LAMB4: variants seen among roughly 807,000 people sequenced by gnomAD.
LAMB4 encodes laminin subunit beta 4, also known as laminin subunit beta-4.
Under a neutral mutation model 199.2 loss-of-function variants are expected in LAMB4, and 196 were observed. The ratio of observed to expected loss-of-function variants is 0.98; its 90% CI spans 0.88 to 1.11. LAMB4 has a LOEUF of 1.11. LAMB4 is among the 50% of genes least tolerant of loss of function. The probability of loss-of-function intolerance (pLI) is 0.00; values close to 1 mark genes in which losing one functional copy is unlikely to be tolerated. For synonymous variants in LAMB4, 744 were observed against 770.6 expected (o/e 0.97, Z 0.57); for missense variants, 2,080 against 2,171.2 (o/e 0.96, Z 0.83).
intron 22 of LAMB4, among the ~76,000 whole-genome samples, chr7:108,063,209 A>G (rs1318133478): frequency 1.3e-5 from 2 of 152,188 alleles, no homozygotes; most frequent in Non-Finnish European, 2.9e-5. Context: ...ATGTGGTCGA[A>G]CTTGCTCCAA....
At chr7:108,031,617 AT>A (rs995775235) in intron 31 of LAMB4, among the ~76,000 whole-genome samples, 36 of 151,776 alleles carry the variant, frequency 2.4e-4, no homozygotes, top group South Asian at 4.2e-4. Flanking sequence ...TAGTATTAAA[AT>A]TTTTTTTCAC....
chr7:108,043,173 T>A (rs2150509067), intron 29 of LAMB4, among the ~76,000 whole-genome samples: 1 of 151,988 alleles, frequency 6.6e-6, no homozygotes, highest in South Asian at 2.1e-4. Context: ...TAGCTAATAA[T>A]TTTTTTTAGA....
At chr7:108,043,098 TA>T (rs1415315212) in intron 29 of LAMB4, among the ~76,000 whole-genome samples, 1 of 152,052 alleles carries the variant, frequency 6.6e-6, no homozygotes, top group Non-Finnish European at 1.5e-5. Context: ...TAATGTACAA[TA>T]AATCAGCTAC....
At chr7:108,047,296 C>T (rs1164566703) in intron 28 of LAMB4, among the ~76,000 whole-genome samples, 1 of 152,044 alleles carries the variant, frequency 6.6e-6, no homozygotes, top group African/African-American at 2.4e-5. Flanking sequence ...GTGCCTGCCT[C>T]TTCTGCCTCC....
chr7:108,049,449 A>T lies in LAMB4; in HGVS notation c.3999T>A (p.Asn1333Lys). The change falls in exon 27 of 34, where the codon AAT becomes AAA. Residue 1333 changes from asparagine to lysine, a missense_variant. Coordinates refer to ENST00000388781, the MANE Select transcript of LAMB4 (RefSeq NM_007356.3). ...AGTCATTCCTTGTATTTGCAGAGGT[A>T]TTAATGGTGGAACTAGTTTCATTAA... is the stretch of plus-strand genomic sequence containing the variant. ...KKINETSSTINTSANTRNDLL... is the reference protein window; with the variant it reads ...KKINETSSTIKTSANTRNDLL... 1.3e-6 allele frequency: 2 copies of T among 1,590,810 alleles called. No homozygotes were observed. Among genetic ancestry groups the T allele is most frequent in the Non-Finnish European group, 8.6e-7 (1 of 1,159,770 alleles).
At chr7:108,057,963 T>A (rs961936684) in intron 23 of LAMB4, 35 bp from the exon 24 acceptor site, 1 of 1,396,606 alleles carries the variant, frequency 7.2e-7, no homozygotes, top group African/African-American at 1.4e-5. Context: ...AATTGACAAG[T>A]TTTATGGTCT....
Position 108,063,954 on chromosome 7 carries a change from G to T in LAMB4, c.2868C>A (p.Phe956Leu), listed in dbSNP as rs767544532. The T allele has an allele frequency of 2.5e-6, 4 of 1,614,012 alleles. No individual in the cohort carries two copies. The highest frequency in any genetic ancestry group is 3.4e-6 in the Non-Finnish European group (4 of 1,179,988). ...GTQCGECSTG[F>L]YGNPRISGAP... ...CTCCTGAAATTCTTGGATTTCCATA[G>T]AAACCAGTAGAGCATTCTCCACACT... Residue 956 changes from phenylalanine (F) to leucine (L), a missense_variant, in exon 22 of 34, where the codon TTC becomes TTA. Phe to Leu is a conservative substitution (Grantham distance 22, BLOSUM62 0). Transcript: ENST00000388781.
At chr7:108,017,490 T>A in the LAMB4 span, among the ~76,000 whole-genome samples, 1 of 152,252 alleles carries the variant, frequency 6.6e-6, no homozygotes. Flanking sequence ...TTTATGGAAC[T>A]AATACTTAAA....
At chr7:108,099,938 T>A (rs541625136) in intron 10 of LAMB4, among the ~76,000 whole-genome samples, 2 of 152,318 alleles carry the variant, frequency 1.3e-5, no homozygotes, top group East Asian at 3.9e-4. Flanking sequence ...TGAGTTCTGT[T>A]TAGTTTGGAA....
intron 14 of LAMB4, among the ~76,000 whole-genome samples, chr7:108,083,785 T>C (rs1185272999): frequency 6.6e-6 from 1 of 152,212 alleles, no homozygotes; most frequent in Non-Finnish European, 1.5e-5. Context: ...CCATGCCCAC[T>C]ACCACTCCCA....
At chr7:108,115,768 C>T (rs1422891366) in intron 3 of LAMB4, among the ~76,000 whole-genome samples, 1 of 152,130 alleles carries the variant, frequency 6.6e-6, no homozygotes, top group Non-Finnish European at 1.5e-5. Flanking sequence ...AGGTAGGTTA[C>T]ATGTAAATAC....
At chr7:108,106,225 C>G (rs1037632495) in intron 7 of LAMB4, among the ~76,000 whole-genome samples, 194 bp from the exon 8 acceptor site, 3 of 152,056 alleles carry the variant, frequency 2.0e-5, no homozygotes, top group African/African-American at 7.2e-5. Context: ...CAAGACCAGA[C>G]TGGGCAACAT....
intron 11 of LAMB4, 41 bp downstream of exon 11, chr7:108,098,362 G>A: frequency 6.5e-7 from 1 of 1,536,946 alleles, no homozygotes. Flanking sequence ...AACCACATAG[G>A]GGTTGATGGA....
downstream of LAMB4, among the ~76,000 whole-genome samples, chr7:108,020,470 C>CA (rs57432162): frequency 0.02 from 1,222 of 61,974 alleles, 10 homozygotes; most frequent in East Asian, 0.044. Context: ...GACTCCATCT[C>CA]AAAAAAAAAA....
the LAMB4 span, among the ~76,000 whole-genome samples, chr7:108,016,046 T>G: frequency 6.6e-6 from 1 of 152,098 alleles, no homozygotes; most frequent in Non-Finnish European, 1.5e-5. Context: ...TTTAAGAAAA[T>G]GATTCACTAT....
intron 26 of LAMB4, among the ~76,000 whole-genome samples, chr7:108,051,646 T>C (rs530331152): frequency 6.6e-6 from 1 of 152,360 alleles, no homozygotes; most frequent in East Asian, 1.9e-4. Context: ...TGCATGACTC[T>C]CATTCTTACA....
intron 1 of LAMB4, among the ~76,000 whole-genome samples, chr7:108,125,243 G>T (rs574387478): frequency 1.3e-3 from 191 of 152,272 alleles, no homozygotes; most frequent in African/African-American, 4.4e-3. Context: ...TTTTCTAGGT[G>T]GTACTTTCTT....
chr7:108,039,962 G>A (rs1426507695), intron 29 of LAMB4, among the ~76,000 whole-genome samples: 1 of 152,168 alleles, frequency 6.6e-6, no homozygotes, highest in Non-Finnish European at 1.5e-5. Context: ...TAGGAAGAGA[G>A]GAAGTCAAAC....
chr7:108,072,617 G>A (rs1206257943), intron 17 of LAMB4, among the ~76,000 whole-genome samples: 1 of 152,146 alleles, frequency 6.6e-6, no homozygotes, highest in African/African-American at 2.4e-5. Context: ...CCCTGTCACG[G>A]TTCCCAGGAC....
Sources: allele counts gnomAD v4.1 joint callset (sites outside exome capture counted in the v4.1 genomes callset), GRCh38; gene constraint gnomAD v4.1.1; transcripts MANE v1.5; gene names NCBI Gene and HGNC (gene_info 2026-07-23, HGNC 2026-07-21).